Variants in ATXN1 observed in about 807,000 individuals in gnomAD.
ATXN1 encodes ataxin-1.
In ATXN1, 8 loss-of-function variants were observed where a neutral mutation model predicts 56.4. That is an observed-to-expected ratio of 0.14 (90% CI 0.08 to 0.26). The LOEUF is 0.26. ATXN1 is among the 10% of genes least tolerant of loss of function. The pLI is 1.00. For synonymous variants in ATXN1, 514 were observed against 494.6 expected (o/e 1.04, Z -0.52); for missense variants, 987 against 1,106.5 (o/e 0.89, Z 1.53).
chr6:16,368,598 G>C (rs2113487014), intron 6 of ATXN1, among the ~76,000 whole-genome samples: 1 of 152,048 alleles, frequency 6.6e-6, no homozygotes, highest in East Asian at 1.9e-4. Context: ...AAATGAATAC[G>C]GTTTTATATT....
At chr6:16,473,444 G>A (rs571071751) in intron 6 of ATXN1, among the ~76,000 whole-genome samples, 1 of 152,306 alleles carries the variant, frequency 6.6e-6, no homozygotes, top group African/African-American at 2.4e-5. Context: ...GGAAATTAAT[G>A]GGTAAGCATG....
intron 6 of ATXN1, among the ~76,000 whole-genome samples, chr6:16,346,862 G>C (rs985353614): frequency 2.0e-5 from 3 of 152,374 alleles, no homozygotes; most frequent in South Asian, 4.1e-4. Context: ...GGCTCCCTCA[G>C]CTTGCGCGGA....
At chr6:16,722,588 C>T (rs529762154) in intron 2 of ATXN1, among the ~76,000 whole-genome samples, 9 of 152,110 alleles carry the variant, frequency 5.9e-5, no homozygotes, top group East Asian at 3.9e-4. Context: ...TGTATATGAG[C>T]GCAAAACTCA....
intron 5 of ATXN1, among the ~76,000 whole-genome samples, chr6:16,500,806 C>T (rs1484062311): frequency 2.7e-5 from 4 of 150,214 alleles, no homozygotes; most frequent in African/African-American, 4.9e-5. Flanking sequence ...TCATCTAATG[C>T]CCATATATAG....
At chr6:16,565,562 A>G (rs965838141) in intron 4 of ATXN1, among the ~76,000 whole-genome samples, 2 of 152,212 alleles carry the variant, frequency 1.3e-5, no homozygotes, top group African/African-American at 4.8e-5. Context: ...AAAAATAACA[A>G]TAATCATAGT....
At chr6:16,734,680 G>A (rs888444665) in intron 2 of ATXN1, among the ~76,000 whole-genome samples, 1 of 152,200 alleles carries the variant, frequency 6.6e-6, no homozygotes, top group African/African-American at 2.4e-5. Context: ...TTTTAGTAAA[G>A]ACAGGATTTT....
At chr6:16,529,164 T>C in intron 4 of ATXN1, among the ~76,000 whole-genome samples, 1 of 139,824 alleles carries the variant, frequency 7.2e-6, no homozygotes, top group East Asian at 2.1e-4. Flanking sequence ...GGACAACACA[T>C]CAAGACTCTG....
At chr6:16,553,040 T>G (rs1761950787) in intron 4 of ATXN1, among the ~76,000 whole-genome samples, 1 of 152,202 alleles carries the variant, frequency 6.6e-6, no homozygotes, top group African/African-American at 2.4e-5. Context: ...TTCGGAGGTG[T>G]TGTTCAAATT....
At chr6:16,377,321 G>T (rs1420091581) in intron 6 of ATXN1, among the ~76,000 whole-genome samples, 1 of 152,232 alleles carries the variant, frequency 6.6e-6, no homozygotes, top group Non-Finnish European at 1.5e-5. Context: ...AGAAAAGTTT[G>T]AAACCATTCA....
chr6:16,509,918 T>C (rs552652305), intron 5 of ATXN1, among the ~76,000 whole-genome samples: 2 of 152,276 alleles, frequency 1.3e-5, no homozygotes, highest in Non-Finnish European at 2.9e-5. Context: ...CTCTTCACTT[T>C]CCAGAATCTG....
At chr6:16,703,707 C>G (rs770513479) in intron 2 of ATXN1, among the ~76,000 whole-genome samples, 2 of 152,168 alleles carry the variant, frequency 1.3e-5, no homozygotes, top group Non-Finnish European at 2.9e-5. Context: ...CTTAATGCCA[C>G]TGAAATGCAT....
chr6:16,511,257 C>T (rs561913290), intron 5 of ATXN1, among the ~76,000 whole-genome samples: 2 of 152,160 alleles, frequency 1.3e-5, no homozygotes, highest in African/African-American at 4.8e-5. Context: ...GGGCACCTCA[C>T]TAGCCACTAG....
intron 7 of ATXN1, among the ~76,000 whole-genome samples, chr6:16,309,800 G>A (rs910643304): frequency 4.6e-5 from 7 of 152,208 alleles, no homozygotes; most frequent in South Asian, 2.1e-4. Context: ...TTGGGAGGCC[G>A]AGGTGGGTGG....
At chr6:16,471,270 C>T (rs919338281) in intron 6 of ATXN1, among the ~76,000 whole-genome samples, 4 of 151,640 alleles carry the variant, frequency 2.6e-5, no homozygotes, top group Admixed American at 6.6e-5. Flanking sequence ...AGGTCTTCTG[C>T]GAAATAATTC....
In ATXN1 at chr6:16,304,250, T is replaced by C. The variant is rs1208357368; in HGVS notation, c.*2079A>G. 1 of 152,612 alleles carries C rather than the reference T, an allele frequency of 6.6e-6. No homozygotes were observed. The highest frequency in any genetic ancestry group is 1.5e-5 in the Non-Finnish European group (1 of 68,032). 9.5% of individuals were successfully genotyped at this position (152,612 alleles called of 1,614,324 possible). A position where few individuals can be genotyped will look rare whatever the true frequency, so the allele number is the denominator to read the frequency against. ...AAAGTCAGGTATTTGTTCAGTTTAG[T>C]TGCAGCCATCCAAGTAAGAATATTT... On this transcript the variant is annotated 3_prime_UTR_variant, in exon 8 of 8. Transcript: ENST00000436367.
At chr6:16,543,192 G>A (rs975125971) in intron 4 of ATXN1, among the ~76,000 whole-genome samples, 5 of 152,148 alleles carry the variant, frequency 3.3e-5, no homozygotes, top group African/African-American at 1.2e-4. Context: ...CCTGGGTCCC[G>A]CTCATTCCTT....
At chr6:16,517,343 T>C (rs1367627551) in intron 5 of ATXN1, among the ~76,000 whole-genome samples, 1 of 152,248 alleles carries the variant, frequency 6.6e-6, no homozygotes, top group Non-Finnish European at 1.5e-5. Context: ...TGTGAGACTG[T>C]GGGCCAGCCA....
intron 6 of ATXN1, among the ~76,000 whole-genome samples, chr6:16,396,013 C>CAAAAAA (rs59358244): frequency 4.7e-5 from 2 of 42,238 alleles, no homozygotes; most frequent in East Asian, 6.5e-4. Flanking sequence ...GACTCCGTCT[C>CAAAAAA]AAAAAAAAAA....
intron 4 of ATXN1, among the ~76,000 whole-genome samples, chr6:16,569,771 G>A (rs1380430939): frequency 6.6e-6 from 1 of 152,162 alleles, no homozygotes; most frequent in Non-Finnish European, 1.5e-5. Context: ...ACCTGCAGTT[G>A]ACTATGTCCA....
Sources: gnomAD v4.1 joint callset for allele counts (sites outside exome capture counted in the v4.1 genomes callset) on GRCh38, gnomAD v4.1.1 for gene constraint, MANE v1.5 for transcripts, NCBI Gene and HGNC (gene_info 2026-07-23, HGNC 2026-07-21) for gene names.